SCFD2: variants seen among roughly 807,000 people sequenced by gnomAD.
The protein encoded by SCFD2 is sec1 family domain-containing protein 2.
SCFD2 carries 54 observed loss-of-function variants against 58.9 expected under a neutral mutation model. The observed-to-expected ratio is 0.92, with a 90% CI of 0.74 to 1.15. The LOEUF is 1.15. Ranked by LOEUF, SCFD2 falls within the 50% of genes most tolerant of loss-of-function variation. The pLI, the probability that SCFD2 is intolerant of heterozygous loss-of-function variation, is 0.00. For missense variants in SCFD2, 805 were observed against 836.6 expected (o/e 0.96, Z 0.47); for synonymous variants, 321 against 335.9 (o/e 0.96, Z 0.49).
At position 53,145,252 on chromosome 4, in the gene SCFD2, T is replaced by C. The variant is rs1726289967; in HGVS notation, c.1561+81A>G. On this transcript the variant is annotated intron_variant, in intron 5 of 8. Transcript: ENST00000401642. Reference sequence around the variant, plus strand: ...AACTCCAGTGAAGATGGTTACCTCCTCTTCCCAAAACAGTATTTATTTTGA... The same window carrying C: ...AACTCCAGTGAAGATGGTTACCTCCCCTTCCCAAAACAGTATTTATTTTGA... The C allele has an allele frequency of 2.0e-6, 3 of 1,517,212 alleles. No homozygotes were observed. The African/African-American group carries it at 4.1e-5, about 21-fold the overall frequency. 94.0% of individuals were successfully genotyped at this position (1,517,212 alleles called of 1,614,324 possible). A position where few individuals can be genotyped will look rare whatever the true frequency, so the allele number is the denominator to read the frequency against.
intron 6 of SCFD2, among the ~76,000 whole-genome samples, chr4:52,913,890 A>G (rs988987934): frequency 6.6e-6 from 1 of 152,224 alleles, no homozygotes; most frequent in Non-Finnish European, 1.5e-5. Flanking sequence ...ACTAGTCACA[A>G]TTCTACAAAG....
chr4:52,881,007 T>C lies in SCFD2; in HGVS notation c.1962+4740A>G, dbSNP rs561233910. ...TCTCCCACTTGGTGTTTGTGGCAGT[T>C]TGGGATGGGGGAGGTTGCCCTCTTG... On this transcript the variant is annotated intron_variant, in intron 8 of 8. Transcript: ENST00000401642. Among the ~76,000 whole-genome samples, 3 of 152,344 alleles carry C rather than the reference T, an allele frequency of 2.0e-5. No homozygotes were observed. The South Asian group carries it at 6.2e-4, about 32-fold the overall frequency.
Position 52,918,069 on chromosome 4 carries a change from T to A in SCFD2, c.1707+2656A>T, listed in dbSNP as rs552816346. On this transcript the variant is annotated intron_variant, in intron 6 of 8. Transcript: ENST00000401642. ...CCCAGGGCCAGGCCAGCTAGCACTC[T>A]CCCACGTGACCAGGGAGCCCAGGAC... is the stretch of plus-strand genomic sequence containing the variant. 8.8e-4 allele frequency among the ~76,000 whole-genome samples: 134 copies of A among 152,262 alleles called. 1 individual carries two copies. The highest frequency in any genetic ancestry group is 3.1e-3 in the African/African-American group (128 of 41,568).
chr4:53,015,221 C>T (rs983150541), intron 5 of SCFD2, among the ~76,000 whole-genome samples: 1 of 152,100 alleles, frequency 6.6e-6, no homozygotes, highest in Admixed American at 6.5e-5. Flanking sequence ...TAAAGACTAA[C>T]CATATACTTG....
chr4:52,999,183 A>G (rs746585196), intron 5 of SCFD2, among the ~76,000 whole-genome samples: 6 of 152,208 alleles, frequency 3.9e-5, no homozygotes, highest in Admixed American at 6.5e-5. Flanking sequence ...CAAGGACTAC[A>G]TATAATTAGC....
rs531294058 is a variant in SCFD2 at position 53,270,464 on chromosome 4, G to A, written c.1311+3362C>T. Among the ~76,000 whole-genome samples, 6 of 152,294 alleles carry A rather than the reference G, an allele frequency of 3.9e-5. No individual in the cohort carries two copies. The South Asian group carries it at 1.2e-3, about 32-fold the overall frequency. ...AGTCAGGAATAAGATGAAGATGCCT[G>A]TTAGCATGACTCTTACTGAAAAAGG... On this transcript the variant is annotated intron_variant, in intron 4 of 8. Coordinates refer to ENST00000401642, the MANE Select transcript of SCFD2 (RefSeq NM_152540.4).
At chr4:53,000,385 G>A (rs563253496) in intron 5 of SCFD2, among the ~76,000 whole-genome samples, 13 of 152,080 alleles carry the variant, frequency 8.5e-5, no homozygotes, top group South Asian at 4.2e-4. Flanking sequence ...TACAAAATTC[G>A]GCCCACATTC....
intron 5 of SCFD2, among the ~76,000 whole-genome samples, chr4:53,087,306 T>C (rs1724334499): frequency 1.3e-5 from 2 of 152,158 alleles, no homozygotes; most frequent in South Asian, 4.1e-4. Flanking sequence ...GTAGAACTTG[T>C]GGGCAAATAA....
chr4:53,152,788 G>T (rs1367637818), intron 4 of SCFD2, among the ~76,000 whole-genome samples: 2 of 152,194 alleles, frequency 1.3e-5, no homozygotes, highest in African/African-American at 4.8e-5. Context: ...TACAATGGTG[G>T]TATAGAAATT....
intron 4 of SCFD2, among the ~76,000 whole-genome samples, chr4:53,240,705 G>A (rs939167024): frequency 2.6e-5 from 4 of 152,226 alleles, no homozygotes; most frequent in Admixed American, 2.6e-4. Flanking sequence ...TGCAGCTCTG[G>A]TTCTGAACAA....
chr4:53,333,599 T>A (rs1345282097), intron 2 of SCFD2, among the ~76,000 whole-genome samples: 1 of 150,726 alleles, frequency 6.6e-6, no homozygotes, highest in African/African-American at 2.4e-5. Flanking sequence ...AAAAATTAAT[T>A]CAAGATGGAT....
intron 4 of SCFD2, among the ~76,000 whole-genome samples, chr4:53,272,231 T>A (rs1237287675): frequency 6.6e-6 from 1 of 151,976 alleles, no homozygotes; most frequent in Non-Finnish European, 1.5e-5. Context: ...TGTGGAGAAA[T>A]AGGAACACTT....
chr4:53,221,211 T>A (rs1729038537), intron 4 of SCFD2, among the ~76,000 whole-genome samples: 1 of 152,178 alleles, frequency 6.6e-6, no homozygotes, highest in Non-Finnish European at 1.5e-5. Flanking sequence ...GCCAAACAAC[T>A]CTTCTTGGAG....
At chr4:53,232,308 A>AT (rs989916559) in intron 4 of SCFD2, among the ~76,000 whole-genome samples, 1 of 152,064 alleles carries the variant, frequency 6.6e-6, no homozygotes, top group Non-Finnish European at 1.5e-5. Flanking sequence ...TACAATAAAG[A>AT]TTTTTTTTAA....
chr4:53,296,489 T>C (rs1009692313), intron 3 of SCFD2, among the ~76,000 whole-genome samples: 2 of 152,174 alleles, frequency 1.3e-5, no homozygotes, highest in African/African-American at 4.8e-5. Flanking sequence ...TGATATATCC[T>C]TTATCATTTT....
chr4:53,347,222 A>G (rs1314939340), intron 2 of SCFD2, among the ~76,000 whole-genome samples: 1 of 152,188 alleles, frequency 6.6e-6, no homozygotes, highest in African/African-American at 2.4e-5. Context: ...AAAACATTCC[A>G]CAGAGTCTAG....
At chr4:53,172,717 T>C (rs1037551461) in intron 4 of SCFD2, among the ~76,000 whole-genome samples, 3 of 152,194 alleles carry the variant, frequency 2.0e-5, no homozygotes, top group Non-Finnish European at 2.9e-5. Flanking sequence ...TTGATATAAT[T>C]TCAGTCCCCT....
intron 5 of SCFD2, among the ~76,000 whole-genome samples, chr4:53,019,812 G>A (rs545818632): frequency 1.4e-4 from 22 of 152,244 alleles, no homozygotes; most frequent in African/African-American, 5.3e-4. Context: ...GATTAATATG[G>A]TAGGTCTTAG....
chr4:52,912,341 G>A (rs1420823310), intron 6 of SCFD2, among the ~76,000 whole-genome samples: 1 of 152,096 alleles, frequency 6.6e-6, no homozygotes, highest in African/African-American at 2.4e-5. Context: ...TGGGAAAAAA[G>A]GAGAGGGGCA....
Sources: allele counts gnomAD v4.1 joint callset (sites outside exome capture counted in the v4.1 genomes callset), GRCh38; gene constraint gnomAD v4.1.1; transcripts MANE v1.5; gene names NCBI Gene and HGNC (gene_info 2026-07-23, HGNC 2026-07-21).